CNTNAP2: variants seen among roughly 807,000 people sequenced by gnomAD.
CNTNAP2 encodes contactin associated protein 2, also known as contactin-associated protein-like 2.
Under a neutral mutation model 155.2 loss-of-function variants are expected in CNTNAP2, and 98 were observed. That is an observed-to-expected ratio of 0.63 (90% CI 0.54 to 0.75). The LOEUF (loss-of-function observed/expected upper bound fraction) is 0.75, where lower values mean the gene tolerates loss of function less well. CNTNAP2 is among the 30% of genes least tolerant of loss of function. CNTNAP2 has a pLI of 0.00. For synonymous variants in CNTNAP2, 651 were observed against 631.2 expected (o/e 1.03, Z -0.47); for missense variants, 1,727 against 1,688.1 (o/e 1.02, Z -0.40).
chr7:146,540,629 A>G (rs1282879099), intron 1 of CNTNAP2, among the ~76,000 whole-genome samples: 3 of 152,006 alleles, frequency 2.0e-5, no homozygotes, highest in Non-Finnish European at 4.4e-5. Flanking sequence ...TTGACTCCAA[A>G]GAGAGGAAGT....
intron 10 of CNTNAP2, among the ~76,000 whole-genome samples, chr7:147,400,123 AG>A (rs1796886438): frequency 1.3e-5 from 2 of 152,092 alleles, no homozygotes; most frequent in Non-Finnish European, 2.9e-5. Context: ...GCCTCTTTCC[AG>A]GTGTGAAAAC....
chr7:147,893,696 G>T (rs1417157332), intron 13 of CNTNAP2, among the ~76,000 whole-genome samples: 1 of 152,062 alleles, frequency 6.6e-6, no homozygotes, highest in Non-Finnish European at 1.5e-5. Context: ...CCCACCCGTG[G>T]GTGAAAAACA....
intron 12 of CNTNAP2, among the ~76,000 whole-genome samples, chr7:147,634,649 G>A (rs1795147194): frequency 6.6e-6 from 1 of 152,078 alleles, no homozygotes; most frequent in South Asian, 2.1e-4. Context: ...ACAAGACGCT[G>A]TAAAAATTTT....
intron 2 of CNTNAP2, among the ~76,000 whole-genome samples, chr7:146,774,588 T>C (rs571826491): frequency 1.8e-4 from 28 of 152,240 alleles, no homozygotes; most frequent in African/African-American, 6.7e-4. Flanking sequence ...GGCTGGAAGT[T>C]AGAGATAGTA....
intron 10 of CNTNAP2, among the ~76,000 whole-genome samples, chr7:147,452,265 A>C (rs1797846347): frequency 6.6e-6 from 1 of 152,204 alleles, no homozygotes; most frequent in Non-Finnish European, 1.5e-5. Flanking sequence ...AGTCCTATAC[A>C]TGCCACTCCT....
At chr7:146,525,749 C>T (rs915973509) in intron 1 of CNTNAP2, among the ~76,000 whole-genome samples, 6 of 152,080 alleles carry the variant, frequency 3.9e-5, no homozygotes, top group South Asian at 4.1e-4. Flanking sequence ...GATGGGCTTG[C>T]GAATGAGCTG....
In CNTNAP2 at chr7:146,859,202, A is replaced by G. The variant is rs78639730; in HGVS notation, c.402+19298A>G. Among the ~76,000 whole-genome samples, 1,262 of 152,320 alleles carry G rather than the reference A, an allele frequency of 8.3e-3. 12 individuals carry two copies. Among genetic ancestry groups the G allele is most frequent in the African/African-American group, 0.029 (1,200 of 41,552 alleles). ...TCAACAGAGAACAAGTCAAATCTTA[A>G]AAGAAGAGCAGAGTCAACTTTTATT... On this transcript the variant is annotated intron_variant, in intron 3 of 23. Coordinates refer to ENST00000361727, the MANE Select transcript of CNTNAP2 (RefSeq NM_014141.6).
At chr7:147,682,889 A>G (rs965445260) in intron 13 of CNTNAP2, among the ~76,000 whole-genome samples, 1 of 151,896 alleles carries the variant, frequency 6.6e-6, no homozygotes, top group East Asian at 1.9e-4. Context: ...ACTTTTTCAT[A>G]AAGAAAGCAT....
intron 1 of CNTNAP2, among the ~76,000 whole-genome samples, chr7:146,197,089 C>A (rs1798787972): frequency 6.6e-6 from 1 of 152,038 alleles, no homozygotes; most frequent in African/African-American, 2.4e-5. Flanking sequence ...ATGGAAAGAT[C>A]TGCAATATTA....
At chr7:148,295,570 C>T (rs1303328548) in intron 21 of CNTNAP2, among the ~76,000 whole-genome samples, 1 of 144,236 alleles carries the variant, frequency 6.9e-6, no homozygotes, top group Non-Finnish European at 1.5e-5. Context: ...CGGCTCACTG[C>T]AAGCTCCGCC....
intron 22 of CNTNAP2, among the ~76,000 whole-genome samples, chr7:148,388,635 G>C (rs570453974): frequency 8.5e-5 from 13 of 152,206 alleles, no homozygotes; most frequent in Middle Eastern, 6.8e-3. Context: ...CAGTTTTTCT[G>C]CTCTGTTTTT....
intron 1 of CNTNAP2, among the ~76,000 whole-genome samples, chr7:146,124,273 C>G (rs956496697): frequency 3.9e-5 from 6 of 152,120 alleles, no homozygotes; most frequent in Non-Finnish European, 8.8e-5. Flanking sequence ...CTTATTGTCA[C>G]TTCTATATCA....
intron 13 of CNTNAP2, among the ~76,000 whole-genome samples, chr7:147,771,239 A>G (rs939639762): frequency 6.6e-6 from 1 of 152,244 alleles, no homozygotes; most frequent in African/African-American, 2.4e-5. Context: ...GTGAAACCAT[A>G]AAGCTTTTAG....
intron 22 of CNTNAP2, among the ~76,000 whole-genome samples, chr7:148,394,001 T>G (rs993080466): frequency 1.1e-4 from 16 of 151,888 alleles, no homozygotes; most frequent in Admixed American, 2.0e-4. Context: ...CATCTCAATT[T>G]TTTTGAATTT....
Position 146,615,922 on chromosome 7 carries a change from C to A in CNTNAP2, c.98-158349C>A, listed in dbSNP as rs114065840. Among the ~76,000 whole-genome samples the A allele has an allele frequency of 9.8e-3, 1,498 of 152,284 alleles. 17 individuals are homozygous for A. The highest frequency in any genetic ancestry group is 0.034 in the African/African-American group (1,433 of 41,538). On this transcript the variant is annotated intron_variant, in intron 1 of 23. Transcript: ENST00000361727. Reference sequence around the variant, plus strand: ...CATACCAGTGCTTCCCTTGGAACATCTCTCCCCACATAATATTAATACTCA... The same window carrying A: ...CATACCAGTGCTTCCCTTGGAACATATCTCCCCACATAATATTAATACTCA...
intron 15 of CNTNAP2, among the ~76,000 whole-genome samples, chr7:147,997,243 T>C (rs1210333884): frequency 6.6e-6 from 1 of 152,204 alleles, no homozygotes; most frequent in Non-Finnish European, 1.5e-5. Flanking sequence ...GCCTCCGTTC[T>C]TGTCTTCTTA....
intron 1 of CNTNAP2, among the ~76,000 whole-genome samples, chr7:146,445,325 G>T (rs1207738489): frequency 6.6e-6 from 1 of 152,070 alleles, no homozygotes; most frequent in Non-Finnish European, 1.5e-5. Context: ...TGGTAGCTTT[G>T]AAAAAAGAGA....
At chr7:147,752,532 C>T (rs962201755) in intron 13 of CNTNAP2, among the ~76,000 whole-genome samples, 5 of 152,046 alleles carry the variant, frequency 3.3e-5, no homozygotes, top group Admixed American at 1.3e-4. Flanking sequence ...CAGGAAGGGG[C>T]CTTTGATAAT....
At chr7:146,863,159 G>T (rs1795137559) in intron 3 of CNTNAP2, among the ~76,000 whole-genome samples, 1 of 152,102 alleles carries the variant, frequency 6.6e-6, no homozygotes, top group African/African-American at 2.4e-5. Context: ...TGTATTTAAA[G>T]AAGTGACAAA....
Sources: allele counts gnomAD v4.1 joint callset (sites outside exome capture counted in the v4.1 genomes callset), GRCh38; gene constraint gnomAD v4.1.1; transcripts MANE v1.5; gene names NCBI Gene and HGNC (gene_info 2026-07-23, HGNC 2026-07-21).